The following DLG1 variants were observed in gnomAD, a reference collection of about 807,000 sequenced individuals.
The protein encoded by DLG1 is discs large MAGUK scaffold protein 1.
In DLG1, 42 loss-of-function variants were observed where a neutral mutation model predicts 123.4. The ratio of observed to expected loss-of-function variants is 0.34; its 90% CI spans 0.27 to 0.44. DLG1 has a LOEUF of 0.44. Among genes scored for constraint, DLG1 ranks in the 20% least tolerant of loss-of-function variants. The probability of loss-of-function intolerance (pLI) is 1.00; values close to 1 mark genes in which losing one functional copy is unlikely to be tolerated. For synonymous variants in DLG1, 317 were observed against 356.2 expected (o/e 0.89, Z 1.24); for missense variants, 942 against 1,082.6 (o/e 0.87, Z 1.82).
intron 4 of DLG1, among the ~76,000 whole-genome samples, chr3:197,239,843 T>TAAAA (rs3035903): frequency 0.13 from 17,098 of 133,938 alleles, 1,477 homozygotes; most frequent in African/African-American, 0.24. Flanking sequence ...ACAGAAAAGT[T>TAAAA]AAAAAAAAAA....
rs562341177 is a variant in DLG1 at position 197,095,112 on chromosome 3, TCTTA to T, written c.1547-4090_1547-4087del. 4.6e-4 allele frequency among the ~76,000 whole-genome samples: 70 copies of T among 152,312 alleles called. No homozygotes were observed. In the South Asian group the frequency reaches 0.013, roughly 29 times the overall value. On this transcript the variant is annotated intron_variant, in intron 14 of 24. Coordinates refer to ENST00000667157, the MANE Select transcript of DLG1 (RefSeq NM_001366207.1). ...TGTCACTTTCAAATCTTTTGTTTCTTCTTACTAATTTTTTTTAAAGACTAGAGCA... is the reference window on the plus strand; with the variant it reads ...TGTCACTTTCAAATCTTTTGTTTCTTCTAATTTTTTTTAAAGACTAGAGCA...
At chr3:197,289,393 CATGG>C (rs1285167696) in intron 3 of DLG1, among the ~76,000 whole-genome samples, 1 of 151,634 alleles carries the variant, frequency 6.6e-6, no homozygotes, top group Non-Finnish European at 1.5e-5. Flanking sequence ...ATATTCATCC[CATGG>C]ATGAAGTAGG....
intron 1 of DLG1, chr3:197,297,846 C>T (rs1579647539): frequency 1.0e-6 from 1 of 985,310 alleles, no homozygotes. Context: ...TGCGCCCCGG[C>T]CAGACTCGGA....
At chr3:197,202,606 AATC>A (rs1726366170) in intron 4 of DLG1, among the ~76,000 whole-genome samples, 2 of 152,222 alleles carry the variant, frequency 1.3e-5, no homozygotes, top group Non-Finnish European at 2.9e-5. Flanking sequence ...ATCTACCAGC[AATC>A]ATATTTAATG....
Position 197,130,542 on chromosome 3 carries a change from G to A in DLG1, c.1150C>T (p.Pro384Ser). 1 of 1,603,026 alleles carries A rather than the reference G, an allele frequency of 6.2e-7. No homozygotes were observed. The highest frequency in any genetic ancestry group is 8.5e-7 in the Non-Finnish European group (1 of 1,174,978). Residue 384 changes from proline (P) to serine (S), a missense_variant, in exon 11 of 25, where the codon CCT becomes TCT. Transcript: ENST00000667157. ...ACAGACTTACAGTTGGTGATATCAG[G>A]TGGTGCATAGCCATCATTCATATAC... ...SMYMNDGYAPPDITNSSSQPV... is the reference protein window; with the variant it reads ...SMYMNDGYAPSDITNSSSQPV...
chr3:197,275,651 A>G (rs1766060512), intron 4 of DLG1, among the ~76,000 whole-genome samples: 1 of 152,262 alleles, frequency 6.6e-6, no homozygotes, highest in South Asian at 2.1e-4. Flanking sequence ...AAGAAAGGCA[A>G]ATATCACATG....
chr3:197,080,938 T>C (rs563126016), intron 17 of DLG1, 113 bp downstream of exon 17: 1 of 938,892 alleles, frequency 1.1e-6, no homozygotes, highest in African/African-American at 1.7e-5. Flanking sequence ...TCTACCATTG[T>C]AAAGCACCAT....
chr3:197,276,947 G>A (rs534674376), intron 4 of DLG1, among the ~76,000 whole-genome samples: 48 of 149,422 alleles, frequency 3.2e-4, no homozygotes, highest in Non-Finnish European at 5.7e-4. Flanking sequence ...GCTGGAGTGC[G>A]GTGGTACGAT....
At chr3:197,171,168 T>TA (rs1177321958) in intron 5 of DLG1, among the ~76,000 whole-genome samples, 4 of 152,016 alleles carry the variant, frequency 2.6e-5, no homozygotes, top group Admixed American at 1.3e-4. Context: ...AGAGAGAAAC[T>TA]AAAAAAAACT....
chr3:197,093,879 C>T (rs1301934194), intron 14 of DLG1, among the ~76,000 whole-genome samples: 2 of 152,120 alleles, frequency 1.3e-5, no homozygotes, highest in African/African-American at 2.4e-5. Context: ...GAATCTAATT[C>T]CCCTCTCCTG....
chr3:197,253,274 C>T (rs1755331717), intron 4 of DLG1, among the ~76,000 whole-genome samples: 1 of 152,098 alleles, frequency 6.6e-6, no homozygotes, highest in Non-Finnish European at 1.5e-5. Flanking sequence ...CATGAAGAGA[C>T]ATTTCACCAA....
At chr3:197,289,827 C>T (rs1388904716) in intron 3 of DLG1, among the ~76,000 whole-genome samples, 1 of 152,148 alleles carries the variant, frequency 6.6e-6, no homozygotes. Flanking sequence ...GTTTCACACA[C>T]TAAAGAAAGG....
intron 24 of DLG1, among the ~76,000 whole-genome samples, chr3:197,048,465 T>C (rs1317824952): frequency 2.6e-5 from 4 of 152,116 alleles, no homozygotes; most frequent in African/African-American, 9.7e-5. Flanking sequence ...AGCAAGACTC[T>C]GTCACAAACA....
chr3:197,065,905 G>T, intron 20 of DLG1, 96 bp from the exon 21 acceptor site: 1 of 760,122 alleles, frequency 1.3e-6, no homozygotes, highest in South Asian at 2.0e-5. Flanking sequence ...TAACTGTTAT[G>T]ACTAATTTTT....
At chr3:197,135,800 T>A (rs1010758099) in intron 10 of DLG1, among the ~76,000 whole-genome samples, 1 of 150,734 alleles carries the variant, frequency 6.6e-6, no homozygotes, top group Non-Finnish European at 1.5e-5. Context: ...TATTTAGGCA[T>A]ATGTATATAA....
chr3:197,143,447 G>T (rs1395044866), intron 6 of DLG1, among the ~76,000 whole-genome samples: 1 of 152,030 alleles, frequency 6.6e-6, no homozygotes, highest in Non-Finnish European at 1.5e-5. Context: ...TAGTAGAGAT[G>T]GGGTTTCACC....
At position 197,065,322 on chromosome 3, in the gene DLG1, T is replaced by A. The variant is rs760144420; in HGVS notation, c.2327A>T (p.His776Leu). The change falls in exon 22 of 25, where the codon CAT becomes CTT. Residue 776 changes from histidine to leucine, a missense_variant. Physicochemically the swap from His to Leu is moderately conservative, Grantham distance 99. Transcript: ENST00000667157. ...KFIEAGQYNN[H>L]LYGTSVQSVR... Reference sequence around the variant, plus strand: ...AGACTGAACACTTGTTCCATATAGATGATTGTTATACTGGCCAGCTTCAAT... The same window carrying A: ...AGACTGAACACTTGTTCCATATAGAAGATTGTTATACTGGCCAGCTTCAAT... The A allele has an allele frequency of 6.2e-7, 1 of 1,612,642 alleles. No individual in the cohort carries two copies. The highest frequency in any genetic ancestry group is 1.7e-5 in the Admixed American group (1 of 59,742).
intron 3 of DLG1, among the ~76,000 whole-genome samples, chr3:197,293,210 G>C (rs901639825): frequency 2.6e-5 from 4 of 152,176 alleles, no homozygotes; most frequent in Admixed American, 2.0e-4. Flanking sequence ...TGTTTTGGGA[G>C]TAAATTTTAA....
At chr3:197,297,012 C>A in intron 2 of DLG1, 174 bp downstream of exon 2, 2 of 679,434 alleles carry the variant, frequency 2.9e-6, no homozygotes, top group Non-Finnish European at 4.9e-6. Context: ...GTTTAACAAA[C>A]ATTTTCGTGT....
Sources: allele counts gnomAD v4.1 joint callset (sites outside exome capture counted in the v4.1 genomes callset), GRCh38; gene constraint gnomAD v4.1.1; transcripts MANE v1.5; gene names NCBI Gene and HGNC (gene_info 2026-07-23, HGNC 2026-07-21).